CD81: variants seen among roughly 807,000 people sequenced by gnomAD.
CD81 encodes the protein CD81 molecule.
CD81 carries 10 observed loss-of-function variants against 30.1 expected under a neutral mutation model. The observed-to-expected ratio is 0.33, with a 90% CI of 0.21 to 0.56. The LOEUF is 0.56. CD81 is among the 20% of genes least tolerant of loss of function. CD81 has a pLI of 0.89. For synonymous variants in CD81, 147 were observed against 126.4 expected (o/e 1.16, Z -1.10); for missense variants, 263 against 308.7 (o/e 0.85, Z 1.11).
At chr11:2,388,033 C>T (rs1269911148) in intron 1 of CD81, among the ~76,000 whole-genome samples, 1 of 152,114 alleles carries the variant, frequency 6.6e-6, no homozygotes, top group Non-Finnish European at 1.5e-5. Flanking sequence ...GCTGCTGGCA[C>T]CAGCAGCCCC....
chr11:2,381,274 A>G (rs967177278), intron 1 of CD81, among the ~76,000 whole-genome samples: 3 of 152,214 alleles, frequency 2.0e-5, no homozygotes, highest in Non-Finnish European at 4.4e-5. Context: ...GCAGGGAGGT[A>G]TGGGCCTACT....
Position 2,390,523 on chromosome 11 carries a change from G to C in CD81, c.178G>C (p.Val60Leu). 1 of 1,607,840 alleles carries C rather than the reference G, an allele frequency of 6.2e-7. No homozygotes were observed. Among genetic ancestry groups the C allele is most frequent in the Non-Finnish European group, 8.5e-7 (1 of 1,175,288 alleles). ...GDKPAPNTFY[V>L]GIYILIAVGA... ...CAAGCCCGCGCCCAACACCTTCTATGTAGGTGAGTGCACATGTGGCCGCAG... is the reference window on the plus strand; with the variant it reads ...CAAGCCCGCGCCCAACACCTTCTATCTAGGTGAGTGCACATGTGGCCGCAG... The change falls in exon 2 of 8, where the codon GTA becomes CTA. Residue 60 changes from valine to leucine, a missense_variant. This residue lies in a region of CD81 where 84 missense variants were observed against 98.2 expected (regional missense o/e 0.86). Coordinates refer to ENST00000263645, the MANE Select transcript of CD81 (RefSeq NM_004356.4).
chr11:2,394,884 A>C (rs1245656551), intron 3 of CD81, 88 bp from the exon 4 acceptor site: 1 of 1,234,492 alleles, frequency 8.1e-7, no homozygotes, highest in African/African-American at 1.5e-5. Context: ...CCCCTCACAG[A>C]CACGCCTGCT....
chr11:2,386,488 G>T (rs1051132011), intron 1 of CD81: 37 of 709,562 alleles, frequency 5.2e-5, no homozygotes, highest in Non-Finnish European at 8.4e-5. Context: ...CCCTAGGGGG[G>T]TCCCTCCGCC....
chr11:2,394,885 C>CA, intron 3 of CD81, 87 bp from the exon 4 acceptor site: 1 of 1,247,854 alleles, frequency 8.0e-7, no homozygotes, highest in Non-Finnish European at 1.2e-6. Flanking sequence ...CCCTCACAGA[C>CA]ACGCCTGCTG....
intron 6 of CD81, chr11:2,396,338 C>A: frequency 1.7e-6 from 1 of 579,630 alleles, no homozygotes; most frequent in Non-Finnish European, 3.1e-6. Context: ...CAGTGGAAGT[C>A]GTCATCAGTG....
At chr11:2,396,502 G>A (rs1279937524) in intron 6 of CD81, 126 bp from the exon 7 acceptor site, 2 of 852,778 alleles carry the variant, frequency 2.3e-6, no homozygotes, top group Non-Finnish European at 3.9e-6. Flanking sequence ...GGTGGGTAGG[G>A]GGTGGGGGGC....
At chr11:2,396,298 G>T in intron 6 of CD81, 1 of 569,212 alleles carries the variant, frequency 1.8e-6, no homozygotes, top group Admixed American at 3.0e-5. Context: ...AGGCCATATA[G>T]TGCCCTGTGG....
intron 2 of CD81, chr11:2,392,682 G>C (rs1849920163): frequency 6.6e-6 from 1 of 152,378 alleles, no homozygotes; most frequent in Non-Finnish European, 1.5e-5. Context: ...TGCTGTCCCT[G>C]ATGCGGGCTG....
chr11:2,389,566 C>T (rs907537147), intron 1 of CD81, among the ~76,000 whole-genome samples: 25 of 152,216 alleles, frequency 1.6e-4, no homozygotes, highest in African/African-American at 5.8e-4. Flanking sequence ...GATGACCCGG[C>T]GTTGAAGGCC....
At chr11:2,379,881 G>T (rs1357192961) in intron 1 of CD81, among the ~76,000 whole-genome samples, 1 of 152,160 alleles carries the variant, frequency 6.6e-6, no homozygotes, top group African/African-American at 2.4e-5. Context: ...GGGTTGGTGG[G>T]CACCACCCTG....
chr11:2,395,143 A>T, intron 4 of CD81, 97 bp downstream of exon 4: 2 of 1,042,640 alleles, frequency 1.9e-6, no homozygotes, highest in Non-Finnish European at 3.0e-6. Context: ...GGCTTGTGGG[A>T]GCTCTTTGGG....
chr11:2,390,368 G>A (rs766106391), intron 1 of CD81, 44 bp from the exon 2 acceptor site: 7 of 1,480,416 alleles, frequency 4.7e-6, no homozygotes, highest in Middle Eastern at 1.9e-4. Flanking sequence ...ACTCCCTGCT[G>A]CAGTGCTCTT....
Position 2,397,187 on chromosome 11 carries a change from C to G in CD81, c.*321C>G. 2.3e-6 allele frequency: 1 copy of G among 441,180 alleles called. No individual in the cohort carries two copies. 27.3% of individuals were successfully genotyped at this position (441,180 alleles called of 1,614,324 possible). A position where few individuals can be genotyped will look rare whatever the true frequency, so the allele number is the denominator to read the frequency against. On this transcript the variant is annotated 3_prime_UTR_variant, in exon 8 of 8. Coordinates refer to ENST00000263645, the MANE Select transcript of CD81 (RefSeq NM_004356.4). The stretch of plus-strand genomic sequence containing the variant: ...CCTGGGAGCCACTCGCCCAGAGACT[C>G]AGCTTGGCCAACTTGGGGGGCTGTG...
intron 1 of CD81, among the ~76,000 whole-genome samples, chr11:2,388,067 G>A (rs1335373647): frequency 1.3e-5 from 2 of 152,176 alleles, no homozygotes; most frequent in African/African-American, 4.8e-5. Flanking sequence ...TTATTTTTGA[G>A]ACAGGGTCTT....
chr11:2,381,538 C>T (rs1461690329), intron 1 of CD81, among the ~76,000 whole-genome samples: 1 of 152,268 alleles, frequency 6.6e-6, no homozygotes, highest in African/African-American at 2.4e-5. Context: ...CCCCTATTTC[C>T]GCACCTGAAA....
Position 2,397,141 on chromosome 11 carries a change from T to G in CD81, c.*275T>G. 2.0e-6 allele frequency: 1 copy of G among 507,272 alleles called. No homozygotes were observed. The highest frequency in any genetic ancestry group is 1.9e-5 in the African/African-American group (1 of 51,434). 31.4% of individuals were successfully genotyped at this position (507,272 alleles called of 1,614,324 possible). A position where few individuals can be genotyped will look rare whatever the true frequency, so the allele number is the denominator to read the frequency against. On this transcript the variant is annotated 3_prime_UTR_variant, in exon 8 of 8. Transcript: ENST00000263645. ...TCTGCCCTGGGGTCCCAGGGTGCTC[T>G]GCCTGCTCAGCCAGGCCTCTCCTGG...
chr11:2,388,687 G>T (rs1849840690), intron 1 of CD81, among the ~76,000 whole-genome samples: 1 of 152,212 alleles, frequency 6.6e-6, no homozygotes, highest in South Asian at 2.1e-4. Flanking sequence ...GGGAGCAGCT[G>T]CCTTCTGGGC....
intron 3 of CD81, 91 bp downstream of exon 3, chr11:2,394,283 C>T (rs533339374): frequency 3.5e-5 from 29 of 837,486 alleles, no homozygotes; most frequent in Admixed American, 1.5e-4. Flanking sequence ...GTGCTCAGGG[C>T]GGAGCCTAGA....
Sources: allele counts gnomAD v4.1 joint callset (sites outside exome capture counted in the v4.1 genomes callset), GRCh38; gene constraint gnomAD v4.1.1; regional missense constraint gnomAD v4.1.1; transcripts MANE v1.5; gene names NCBI Gene and HGNC (gene_info 2026-07-23, HGNC 2026-07-21).